Variants in RASSF3 observed in about 807,000 individuals in gnomAD.
RASSF3 encodes the protein ras association domain-containing protein 3.
RASSF3 carries 19 observed loss-of-function variants against 19.9 expected under a neutral mutation model. That is an observed-to-expected ratio of 0.96 (90% CI 0.67 to 1.40). The LOEUF (loss-of-function observed/expected upper bound fraction) is 1.40, where lower values mean the gene tolerates loss of function less well. Ranked by LOEUF, RASSF3 falls within the 40% of genes most tolerant of loss-of-function variation. The pLI is 0.00. For synonymous variants in RASSF3, 110 were observed against 104.2 expected (o/e 1.06, Z -0.34); for missense variants, 306 against 289.8 (o/e 1.06, Z -0.41).
intron 1 of RASSF3, among the ~76,000 whole-genome samples, chr12:64,644,540 T>A (rs1057303982): frequency 6.6e-6 from 1 of 151,256 alleles, no homozygotes; most frequent in African/African-American, 2.4e-5. Flanking sequence ...CGCAAAAAAA[T>A]ACAAAAATTA....
chr12:64,563,757 AG>A (rs1422169924), intron 2 of RASSF3, among the ~76,000 whole-genome samples: 1 of 152,186 alleles, frequency 6.6e-6, no homozygotes, highest in African/African-American at 2.4e-5. Context: ...TCCTTGATTC[AG>A]GTCTCAGTTC....
At chr12:64,564,126 T>C (rs1869391180) in intron 2 of RASSF3, among the ~76,000 whole-genome samples, 1 of 152,232 alleles carries the variant, frequency 6.6e-6, no homozygotes. Flanking sequence ...GCTTTCAATA[T>C]ACAGTATCCC....
chr12:64,638,852 C>A (rs973089541), intron 1 of RASSF3, among the ~76,000 whole-genome samples: 1 of 152,148 alleles, frequency 6.6e-6, no homozygotes, highest in African/African-American at 2.4e-5. Flanking sequence ...GTTCCTTCTT[C>A]TGAGCTGCTG....
At chr12:64,658,832 G>T (rs934239559) in intron 1 of RASSF3, among the ~76,000 whole-genome samples, 1 of 152,212 alleles carries the variant, frequency 6.6e-6, no homozygotes, top group Non-Finnish European at 1.5e-5. Context: ...ACTTTGGGAG[G>T]CTGAGGCAGG....
upstream of RASSF3, among the ~76,000 whole-genome samples, chr12:64,605,836 C>T (rs936120953): frequency 3.5e-5 from 5 of 144,444 alleles, no homozygotes; most frequent in African/African-American, 1.0e-4. Flanking sequence ...TGCGGTGAGC[C>T]GAGATTGCAC....
chr12:64,637,356 A>T (rs982894599), intron 1 of RASSF3, among the ~76,000 whole-genome samples: 1 of 151,968 alleles, frequency 6.6e-6, no homozygotes, highest in South Asian at 2.1e-4. Flanking sequence ...TCTCAAAAGC[A>T]TAATGAGTTT....
At chr12:64,642,295 C>G (rs1871563098) in intron 1 of RASSF3, among the ~76,000 whole-genome samples, 1 of 152,030 alleles carries the variant, frequency 6.6e-6, no homozygotes, top group South Asian at 2.1e-4. Context: ...CCCGGTTTCT[C>G]ATGCCTGTAA....
intron 1 of RASSF3, among the ~76,000 whole-genome samples, chr12:64,639,417 G>C (rs1193916026): frequency 6.6e-6 from 1 of 152,004 alleles, no homozygotes; most frequent in Non-Finnish European, 1.5e-5. Context: ...AGTGAATGTG[G>C]CTTATTTGGG....
downstream of RASSF3, among the ~76,000 whole-genome samples, chr12:64,544,168 A>G (rs961010737): frequency 1.1e-4 from 17 of 151,990 alleles, no homozygotes; most frequent in Non-Finnish European, 2.5e-4. Flanking sequence ...TATGAGCTGT[A>G]ACGCCCACCG....
intron 1 of RASSF3, chr12:64,541,569 T>A (rs1468510284): frequency 1.0e-5 from 4 of 398,432 alleles, no homozygotes; most frequent in Non-Finnish European, 1.3e-5. Context: ...CCTAACGTGC[T>A]TTCTCTTTCA....
intron 1 of RASSF3, among the ~76,000 whole-genome samples, chr12:64,667,942 A>C (rs1872578642): frequency 6.6e-6 from 1 of 152,214 alleles, no homozygotes; most frequent in African/African-American, 2.4e-5. Context: ...GGAAAGATGT[A>C]CTTTCCCAAG....
chr12:64,667,686 A>G (rs997386123), intron 1 of RASSF3, among the ~76,000 whole-genome samples: 5 of 152,248 alleles, frequency 3.3e-5, no homozygotes, highest in Non-Finnish European at 5.9e-5. Flanking sequence ...CAATTCAGCC[A>G]GTCTTCAATT....
At chr12:64,630,153 T>A (rs1158407768) in intron 1 of RASSF3, among the ~76,000 whole-genome samples, 2 of 152,046 alleles carry the variant, frequency 1.3e-5, no homozygotes, top group Non-Finnish European at 2.9e-5. Context: ...ACTCATTGAT[T>A]TTAAGATTTT....
chr12:64,519,500 C>G (rs540740879), intron 1 of RASSF3, among the ~76,000 whole-genome samples: 24 of 152,166 alleles, frequency 1.6e-4, no homozygotes, highest in African/African-American at 5.3e-4. Context: ...GAAGGGCCAT[C>G]ATGAGGGTCG....
chr12:64,617,302 T>C (rs1164428015), intron 1 of RASSF3, among the ~76,000 whole-genome samples: 1 of 152,210 alleles, frequency 6.6e-6, no homozygotes, highest in Admixed American at 6.5e-5. Context: ...CATTTATTCA[T>C]TAATATATTT....
chr12:64,559,765 G>A (rs776681203), intron 2 of RASSF3, among the ~76,000 whole-genome samples: 23 of 152,192 alleles, frequency 1.5e-4, no homozygotes, highest in Non-Finnish European at 3.1e-4. Context: ...CTCTAGTCAA[G>A]GAAGTCTTGC....
intron 2 of RASSF3, among the ~76,000 whole-genome samples, chr12:64,569,850 A>G (rs1323420812): frequency 1.3e-5 from 2 of 152,150 alleles, no homozygotes; most frequent in Admixed American, 1.3e-4. Context: ...CTGTAATCCC[A>G]GCTACTTGGG....
intron 3 of RASSF3, among the ~76,000 whole-genome samples, chr12:64,689,498 A>G (rs1259307816): frequency 1.3e-5 from 2 of 152,136 alleles, no homozygotes; most frequent in Non-Finnish European, 2.9e-5. Context: ...GCTTATATCT[A>G]TAGGGAAATT....
intron 1 of RASSF3, among the ~76,000 whole-genome samples, chr12:64,661,100 T>C (rs971134716): frequency 6.6e-6 from 1 of 152,196 alleles, no homozygotes; most frequent in Non-Finnish European, 1.5e-5. Flanking sequence ...TGGGTTCAGA[T>C]CCTGGCCTCA....
Sources: allele counts gnomAD v4.1 joint callset (sites outside exome capture counted in the v4.1 genomes callset), GRCh38; gene constraint gnomAD v4.1.1; transcripts MANE v1.5; gene names NCBI Gene and HGNC (gene_info 2026-07-23, HGNC 2026-07-21).